The following LRRC63 variants were observed in gnomAD, a reference collection of about 807,000 sequenced individuals.
LRRC63 encodes the protein leucine rich repeat containing 63, also known as leucine-rich repeat-containing protein 63.
In LRRC63, 40 loss-of-function variants were observed where a neutral mutation model predicts 49.5. That is an observed-to-expected ratio of 0.81 (90% CI 0.63 to 1.05). The LOEUF (loss-of-function observed/expected upper bound fraction) is 1.05, where lower values mean the gene tolerates loss of function less well. Ranked by LOEUF, LRRC63 falls within the 50% of genes least tolerant of loss-of-function variation. The pLI, the probability that LRRC63 is intolerant of heterozygous loss-of-function variation, is 0.00. For synonymous variants in LRRC63, 191 were observed against 221.1 expected (o/e 0.86, Z 1.21); for missense variants, 636 against 663.1 (o/e 0.96, Z 0.45).
In LRRC63 at chr13:46,266,815, CA is replaced by C; in HGVS notation, c.1394del (p.Gln465ArgfsTer17). The C allele has an allele frequency of 1.3e-6, 2 of 1,550,094 alleles. No homozygotes were observed. Among genetic ancestry groups the C allele is most frequent in the Non-Finnish European group, 1.7e-6 (2 of 1,146,740 alleles). On this transcript the variant is annotated frameshift_variant, in exon 9 of 10. Coordinates refer to ENST00000595396, the Ensembl canonical transcript of LRRC63. LOFTEE classifies it high-confidence loss of function. ...TTTGAAGCTTAACCTGACAAAAATT[CA>C]GTTTGAGAATAATTTCACTCATCCT...
At chr13:46,232,100 C>T (rs2046780056) in intron 4 of LRRC63, among the ~76,000 whole-genome samples, 1 of 152,112 alleles carries the variant, frequency 6.6e-6, no homozygotes, top group Non-Finnish European at 1.5e-5. Context: ...CAGGCGTGAG[C>T]CACTGCGCCC....
At chr13:46,220,445 A>G (rs944680631) in intron 2 of LRRC63, among the ~76,000 whole-genome samples, 4 of 152,062 alleles carry the variant, frequency 2.6e-5, no homozygotes, top group African/African-American at 9.7e-5. Context: ...GTGATGGCAG[A>G]CGCCCCTCCC....
exon 7 of LRRC63, chr13:46,250,432 A>G: frequency 6.5e-7 from 1 of 1,535,774 alleles, no homozygotes; most frequent in Non-Finnish European, 8.8e-7. Flanking sequence ...AAATTCAACA[A>G]CTTGAGTTCC....
chr13:46,269,414 G>A (rs927235394), intron 9 of LRRC63, among the ~76,000 whole-genome samples: 2 of 152,126 alleles, frequency 1.3e-5, no homozygotes, highest in African/African-American at 4.8e-5. Flanking sequence ...TGGATCAGTA[G>A]TGAAAGAATA....
intron 8 of LRRC63, among the ~76,000 whole-genome samples, chr13:46,265,219 A>G (rs2047668220): frequency 6.6e-6 from 1 of 152,098 alleles, no homozygotes; most frequent in Non-Finnish European, 1.5e-5. Context: ...GGAAGGAGGC[A>G]GCTAAACAGG....
intron 6 of LRRC63, among the ~76,000 whole-genome samples, 191 bp downstream of exon 6, chr13:46,246,816 G>A (rs1437945738): frequency 1.3e-5 from 2 of 152,094 alleles, no homozygotes; most frequent in Admixed American, 6.6e-5. Flanking sequence ...ATCCCATGAT[G>A]TAATCCTCAA....
intron 9 of LRRC63, among the ~76,000 whole-genome samples, chr13:46,273,601 T>TAAAA (rs66994107): frequency 8.5e-4 from 93 of 109,460 alleles, no homozygotes; most frequent in African/African-American, 2.6e-3. Flanking sequence ...GAATCTGCCT[T>TAAAA]AAAAAAAAAA....
At chr13:46,250,949 T>C (rs182461879) in intron 7 of LRRC63, among the ~76,000 whole-genome samples, 1 of 152,036 alleles carries the variant, frequency 6.6e-6, no homozygotes, top group African/African-American at 2.4e-5. Flanking sequence ...GCTTATATGA[T>C]ATCTAAGACC....
chr13:46,258,531 T>C lies in LRRC63; in HGVS notation c.1227-3378T>C, dbSNP rs191212139. 7.6e-3 allele frequency among the ~76,000 whole-genome samples: 1,142 copies of C among 150,012 alleles called. 14 individuals carry two copies. Among genetic ancestry groups the C allele is most frequent in the African/African-American group, 0.024 (984 of 41,086 alleles). ...AGGTAAGAAAATCTTGTAAATTGGCTGGGCATGGTGGCTCACGCCTGTAAT... is the reference window on the plus strand; with the variant it reads ...AGGTAAGAAAATCTTGTAAATTGGCCGGGCATGGTGGCTCACGCCTGTAAT... On this transcript the variant is annotated intron_variant, in intron 7 of 9. Coordinates refer to ENST00000595396, the Ensembl canonical transcript of LRRC63.
intron 9 of LRRC63, 104 bp from the exon 10 acceptor site, chr13:46,276,486 C>A: frequency 2.0e-6 from 1 of 492,862 alleles, no homozygotes; most frequent in Non-Finnish European, 3.2e-6. Context: ...CTGGTAAGCT[C>A]AATGAAGGTA....
At chr13:46,263,621 G>T (rs970483928) in intron 8 of LRRC63, among the ~76,000 whole-genome samples, 6 of 152,048 alleles carry the variant, frequency 3.9e-5, no homozygotes, top group Non-Finnish European at 7.4e-5. Context: ...GAGACCTTTA[G>T]AACAGTTATT....
exon 6 of LRRC63, chr13:46,246,538 C>T (rs1176388079): frequency 9.7e-6 from 14 of 1,446,814 alleles, no homozygotes; most frequent in Non-Finnish European, 9.1e-6. Context: ...GCTTTTTTAT[C>T]CTAAATTGTC....
At chr13:46,217,000 T>C (rs2046270564) in intron 2 of LRRC63, among the ~76,000 whole-genome samples, 3 of 152,232 alleles carry the variant, frequency 2.0e-5, no homozygotes, top group Admixed American at 6.5e-5. Flanking sequence ...TGCTGCTGGA[T>C]TCGGTTTGCC....
chr13:46,271,994 A>T (rs2047766430), intron 9 of LRRC63, among the ~76,000 whole-genome samples: 1 of 152,216 alleles, frequency 6.6e-6, no homozygotes, highest in African/African-American at 2.4e-5. Flanking sequence ...TAATTATAAC[A>T]GTATGCCAGT....
At chr13:46,260,605 A>G (rs1014022283) in intron 7 of LRRC63, among the ~76,000 whole-genome samples, 6 of 152,224 alleles carry the variant, frequency 3.9e-5, no homozygotes, top group Admixed American at 3.9e-4. Flanking sequence ...GCAGAGAAGT[A>G]CAGAAGAGGC....
chr13:46,275,656 ATT>A (rs34767583), intron 9 of LRRC63, among the ~76,000 whole-genome samples: 32 of 149,046 alleles, frequency 2.1e-4, no homozygotes, highest in South Asian at 6.3e-4. Flanking sequence ...TTAAAATCAG[ATT>A]TTTTTTTTTT....
chr13:46,247,481 A>G (rs1444166965), intron 6 of LRRC63, among the ~76,000 whole-genome samples: 1 of 152,170 alleles, frequency 6.6e-6, no homozygotes, highest in Non-Finnish European at 1.5e-5. Flanking sequence ...CCACTAAAAA[A>G]TAAATGTGTG....
At chr13:46,265,716 T>C (rs1286530570) in intron 8 of LRRC63, among the ~76,000 whole-genome samples, 2 of 152,234 alleles carry the variant, frequency 1.3e-5, no homozygotes, top group East Asian at 3.9e-4. Flanking sequence ...CAGGGCTCTC[T>C]GCTGCCGGCC....
intron 7 of LRRC63, among the ~76,000 whole-genome samples, chr13:46,252,757 G>C (rs951669922): frequency 6.6e-6 from 1 of 152,024 alleles, no homozygotes; most frequent in Admixed American, 6.6e-5. Context: ...TCAATGAAAA[G>C]TTACAACGTA....
Sources: gnomAD v4.1 joint callset for allele counts (sites outside exome capture counted in the v4.1 genomes callset) on GRCh38, gnomAD v4.1.1 for gene constraint, MANE v1.5 for transcripts, NCBI Gene and HGNC (gene_info 2026-07-23, HGNC 2026-07-21) for gene names.